The following LRP1B variants were observed in gnomAD, a reference collection of about 807,000 sequenced individuals.
LRP1B encodes LDL receptor related protein 1B.
A neutral mutation model predicts 556.6 loss-of-function variants in LRP1B; 217 were observed. The ratio of observed to expected loss-of-function variants is 0.39; its 90% confidence interval spans 0.35 to 0.44. The LOEUF is 0.44. Among genes scored for constraint, LRP1B ranks in the 20% least tolerant of loss-of-function variants. The pLI is 1.00. For synonymous variants in LRP1B, 2,047 were observed against 1,865.8 expected, an observed-to-expected ratio of 1.10 and a Z score of -2.50; for missense variants, 5,053 against 5,620.8, an observed-to-expected ratio of 0.90 and a Z score of 3.23.
At chr2:141,412,627 T>A (rs1690896025) in intron 3 of LRP1B, among the ~76,000 whole-genome samples, 2 of 152,222 alleles carry the variant, frequency 1.3e-5, no homozygotes, top group Admixed American at 1.3e-4. Context: ...GTAATTTTTT[T>A]AAGTACACTT....
intron 3 of LRP1B, among the ~76,000 whole-genome samples, chr2:141,305,980 A>G (rs543596047): frequency 6.6e-6 from 1 of 152,232 alleles, no homozygotes; most frequent in East Asian, 1.9e-4. Context: ...ATACTTTTGA[A>G]TGTGATTTGC....
chr2:141,454,021 C>A (rs901100079), intron 3 of LRP1B, among the ~76,000 whole-genome samples: 4 of 152,126 alleles, frequency 2.6e-5, no homozygotes, highest in African/African-American at 9.7e-5. Flanking sequence ...GAGTCATGTA[C>A]TATATTTCAT....
chr2:140,605,254 T>C (rs1682825265), intron 41 of LRP1B, among the ~76,000 whole-genome samples: 1 of 152,230 alleles, frequency 6.6e-6, no homozygotes. Flanking sequence ...CTGAGTTATT[T>C]TGACACACAG....
At chr2:141,752,943 C>G (rs1574321439) in intron 2 of LRP1B, among the ~76,000 whole-genome samples, 1 of 994 alleles carries the variant, frequency 1.0e-3, no homozygotes, top group East Asian at 0.016. Context: ...GACCCTGTCT[C>G]AGAAAAAAAA....
In LRP1B at chr2:140,335,652, C is replaced by T. The variant is rs1367795071; in HGVS notation, c.12079G>A (p.Gly4027Arg). ...TTTACTGCAATAGCATAGGGTTCTC[C>T]AGCCATATTTGTTAAGAGTCTGGTG... The part of the protein sequence containing the change: ...NCTRLLTNMA[G>R]EPYAIAVNPK... The change falls in exon 78 of 91, where the codon GGA becomes AGA. Residue 4027 changes from glycine (G) to arginine (R), a missense_variant. Transcript: ENST00000389484. The T allele has an allele frequency of 6.2e-7, 1 of 1,612,224 alleles. No homozygotes were observed. The highest frequency in any genetic ancestry group is 1.1e-5 in the South Asian group (1 of 91,046).
intron 27 of LRP1B, among the ~76,000 whole-genome samples, chr2:140,853,241 G>A (rs550774685): frequency 1.3e-5 from 2 of 152,088 alleles, no homozygotes; most frequent in Non-Finnish European, 2.9e-5. Context: ...GAATATCCTT[G>A]TCTCTGAAGA....
chr2:141,752,569 C>T (rs1694153088), intron 2 of LRP1B, among the ~76,000 whole-genome samples: 1 of 151,942 alleles, frequency 6.6e-6, no homozygotes, highest in Admixed American at 6.6e-5. Context: ...CAAAGGTAGC[C>T]ATGGATTGGA....
chr2:142,085,330 T>C (rs6718731), intron 1 of LRP1B, among the ~76,000 whole-genome samples: 4,414 of 152,286 alleles, frequency 0.029, 204 homozygotes, highest in African/African-American at 0.1. Flanking sequence ...ACAATCTCTG[T>C]CATGGCACCA....
At chr2:140,940,099 G>A (rs560529536) in intron 20 of LRP1B, among the ~76,000 whole-genome samples, 3 of 151,944 alleles carry the variant, frequency 2.0e-5, no homozygotes, top group South Asian at 4.2e-4. Context: ...TGGCCATGCT[G>A]GTCTCTAACT....
At position 141,802,010 on chromosome 2, in the gene LRP1B, C is replaced by T. The variant is rs2105689308; in HGVS notation, c.205+8269G>A. ...CCTACAGTTCTGGGGGCCATAAGTC[C>T]AAGATCAAGAAATCTACAAGGTTGG... is the stretch of plus-strand genomic sequence containing the variant. On this transcript the variant is annotated intron_variant, in intron 2 of 90. Transcript: ENST00000389484. Among the ~76,000 whole-genome samples, 4 of 152,100 alleles carry T rather than the reference C, an allele frequency of 2.6e-5. 1 individual carries two copies. The highest frequency in any genetic ancestry group is 6.8e-3 in the Middle Eastern group (2 of 294).
chr2:141,923,446 A>ATATG (rs751676259), intron 1 of LRP1B, among the ~76,000 whole-genome samples: 7,228 of 81,368 alleles, frequency 0.089, 427 homozygotes, highest in Non-Finnish European at 0.11. Flanking sequence ...TTATATATAT[A>ATATG]TGTGTGTGTG....
In LRP1B at chr2:141,236,201, T is replaced by C. The variant is rs185543779; in HGVS notation, c.593-6761A>G. On this transcript the variant is annotated intron_variant, in intron 5 of 90. Coordinates refer to ENST00000389484, the MANE Select transcript of LRP1B (RefSeq NM_018557.3). The stretch of plus-strand genomic sequence containing the variant: ...ATTGACATAAATTGATATGTCTTTA[T>C]AGTGCACAACATGATGTTTTGAAGT... Among the ~76,000 whole-genome samples the C allele has an allele frequency of 1.6e-3, 244 of 152,284 alleles. 1 individual carries two copies. Among genetic ancestry groups the C allele is most frequent in the African/African-American group, 5.3e-3 (222 of 41,580 alleles).
Position 140,253,774 on chromosome 2 carries a change from G to T in LRP1B, c.13248-6612C>A, listed in dbSNP as rs112795559. Among the ~76,000 whole-genome samples the T allele has an allele frequency of 1.2e-4, 19 of 152,124 alleles. 2 individuals are homozygous for T. The highest frequency in any genetic ancestry group is 3.9e-4 in the African/African-American group (16 of 41,508). ...ACATGCATCAACTGAAAAGGAAAAC[G>T]AACTATCATAAAATTAATATTAAGT... On this transcript the variant is annotated intron_variant, in intron 86 of 90. Coordinates refer to ENST00000389484, the MANE Select transcript of LRP1B (RefSeq NM_018557.3).
At chr2:141,328,322 A>T (rs1392158505) in intron 3 of LRP1B, among the ~76,000 whole-genome samples, 1 of 151,470 alleles carries the variant, frequency 6.6e-6, no homozygotes, top group Non-Finnish European at 1.5e-5. Context: ...CAAAAGAAGG[A>T]AGCCTATCTT....
At chr2:141,076,374 C>G (rs1917702) in intron 7 of LRP1B, among the ~76,000 whole-genome samples, 129,635 of 152,144 alleles carry the variant, frequency 0.85, 55,533 homozygotes, top group Non-Finnish European at 0.89. Flanking sequence ...TATTCCTACA[C>G]GGGCATTTTT....
At chr2:141,822,576 G>T (rs1370371837) in intron 1 of LRP1B, among the ~76,000 whole-genome samples, 2 of 152,080 alleles carry the variant, frequency 1.3e-5, no homozygotes, top group East Asian at 3.9e-4. Flanking sequence ...GAAGCAGATG[G>T]TTAGACTTTG....
chr2:141,605,116 C>T (rs1052972552), intron 2 of LRP1B, among the ~76,000 whole-genome samples: 2 of 152,038 alleles, frequency 1.3e-5, no homozygotes, highest in Non-Finnish European at 2.9e-5. Context: ...CACTATGGAG[C>T]ACATTCGATT....
chr2:140,468,228 G>T (rs1485896575), intron 60 of LRP1B, among the ~76,000 whole-genome samples: 2 of 152,154 alleles, frequency 1.3e-5, no homozygotes, highest in Non-Finnish European at 1.5e-5. Context: ...TGCAACTCAG[G>T]CTGTCCCTTT....
chr2:141,912,376 T>C (rs919025928), intron 1 of LRP1B, among the ~76,000 whole-genome samples: 31 of 152,128 alleles, frequency 2.0e-4, no homozygotes, highest in African/African-American at 7.2e-4. Flanking sequence ...TTTCTTGGCA[T>C]TTAGGAAATT....
Sources: gnomAD v4.1 joint callset for allele counts (sites outside exome capture counted in the v4.1 genomes callset) on GRCh38, gnomAD v4.1.1 for gene constraint, MANE v1.5 for transcripts, NCBI Gene and HGNC (gene_info 2026-07-23, HGNC 2026-07-21) for gene names.